The following IFT46 variants were observed in gnomAD, a reference collection of about 807,000 sequenced individuals.
IFT46 encodes intraflagellar transport 46, also known as intraflagellar transport protein 46 homolog.
A neutral mutation model predicts 39.6 loss-of-function variants in IFT46; 19 were observed. That is an observed-to-expected ratio of 0.48 (90% CI 0.33 to 0.70). The LOEUF (loss-of-function observed/expected upper bound fraction) is 0.70, where lower values mean the gene tolerates loss of function less well. IFT46 is among the 30% of genes least tolerant of loss of function. IFT46 has a pLI of 0.01. For synonymous variants in IFT46, 117 were observed against 134.8 expected (o/e 0.87, Z 0.91); for missense variants, 334 against 364.8 (o/e 0.92, Z 0.69).
rs146758400 is a variant in IFT46, at chr11:118,551,811, G to A, written c.647C>T (p.Pro216Leu). ...DIDTLMQEWS[P>L]EFEELLGKVS... Reference sequence around the variant, plus strand: ...CTTGCCCAAAAGCTCTTCAAACTCCGGGGACCATTCCTGCATCAGCGTGTC... The same window carrying A: ...CTTGCCCAAAAGCTCTTCAAACTCCAGGGACCATTCCTGCATCAGCGTGTC... The change falls in exon 9 of 12, where the codon CCG becomes CTG. Residue 216 changes from proline (P) to leucine (L), a missense_variant. Transcript: ENST00000264021. 5.6e-4 allele frequency: 910 copies of A among 1,613,948 alleles called. 1 individual carries two copies. The highest frequency in any genetic ancestry group is 7.2e-4 in the Non-Finnish European group (854 of 1,179,944).
intron 7 of IFT46, among the ~76,000 whole-genome samples, chr11:118,552,834 C>G (rs782303329): frequency 2.3e-4 from 35 of 151,088 alleles, no homozygotes; most frequent in Non-Finnish European, 4.3e-4. Flanking sequence ...ACCTGCAGTC[C>G]TAGCACTTTG....
chr11:118,546,149 A>G, intron 9 of IFT46: 1 of 718,596 alleles, frequency 1.4e-6, no homozygotes, highest in Non-Finnish European at 2.6e-6. Context: ...GACGCATAAC[A>G]GAGGGAAGAC....
upstream of IFT46, chr11:118,573,681 A>G (rs1446546270): frequency 1.4e-6 from 1 of 702,782 alleles, no homozygotes; most frequent in Non-Finnish European, 2.6e-6. Flanking sequence ...ATTTGGTGGC[A>G]ATCCTAATAA....
At chr11:118,554,395 C>T (rs992103505) in intron 7 of IFT46, 64 bp downstream of exon 7, 63 of 1,481,882 alleles carry the variant, frequency 4.3e-5, no homozygotes, top group East Asian at 7.1e-5. Context: ...TGTATGAGTG[C>T]CAGCAAGGCC....
At chr11:118,547,618 C>T (rs542922212) in intron 9 of IFT46, among the ~76,000 whole-genome samples, 275 of 152,100 alleles carry the variant, frequency 1.8e-3, no homozygotes, top group African/African-American at 6.2e-3. Context: ...ACAGGGGTCT[C>T]ACCATGTTGG....
At position 118,544,852 on chromosome 11, in the gene IFT46, T is replaced by C; in HGVS notation, c.*64A>G. 8.7e-7 allele frequency: 1 copy of C among 1,155,276 alleles called. No homozygotes were observed. The highest frequency in any genetic ancestry group is 1.3e-5 in the South Asian group (1 of 78,928). 71.6% of individuals were successfully genotyped at this position (1,155,276 alleles called of 1,614,324 possible). ...AAGGACATCAAGTAGCTGACAACGA[T>C]CTGTCCATCTCAGCTGGGGCAGAGG... On this transcript the variant is annotated 3_prime_UTR_variant, in exon 12 of 12. Coordinates refer to ENST00000264021, the MANE Select transcript of IFT46 (RefSeq NM_001168618.2).
intron 4 of IFT46, 109 bp downstream of exon 4, chr11:118,556,794 CAGG>C (rs2135496572): frequency 7.6e-7 from 1 of 1,308,328 alleles, no homozygotes; most frequent in East Asian, 2.5e-5. Flanking sequence ...ATCCTAAATA[CAGG>C]AGATCAAAAG....
At chr11:118,569,074 A>G (rs1938286097), upstream of IFT46, among the ~76,000 whole-genome samples, 1 of 151,276 alleles carries the variant, frequency 6.6e-6, no homozygotes, top group Non-Finnish European at 1.5e-5. Context: ...TGAGGTTAGG[A>G]GTTCAAGACC....
At chr11:118,549,507 C>G (rs1364434673) in intron 9 of IFT46, among the ~76,000 whole-genome samples, 5 of 150,772 alleles carry the variant, frequency 3.3e-5, no homozygotes, top group Non-Finnish European at 5.9e-5. Flanking sequence ...TTTAAACTGT[C>G]ACATTTTCTC....
intron 9 of IFT46, chr11:118,546,513 G>A: frequency 5.1e-5 from 10 of 196,636 alleles, no homozygotes; most frequent in East Asian, 1.2e-4. Context: ...AGGGAGGGAG[G>A]GAATCAACCA....
intron 2 of IFT46, among the ~76,000 whole-genome samples, chr11:118,564,575 T>C (rs566218043): frequency 2.6e-5 from 4 of 152,236 alleles, no homozygotes; most frequent in East Asian, 3.9e-4. Context: ...GTTTGTTGAA[T>C]AAATAAATAG....
chr11:118,560,071 C>T, intron 2 of IFT46: 1 of 562,406 alleles, frequency 1.8e-6, no homozygotes, highest in Non-Finnish European at 3.1e-6. Flanking sequence ...GTGCTTAAGG[C>T]ATTGGGTTAG....
chr11:118,557,947 T>C, intron 3 of IFT46: 5 of 1,468,708 alleles, frequency 3.4e-6, no homozygotes, highest in Non-Finnish European at 4.6e-6. Flanking sequence ...TTGGTTTCTA[T>C]ATACCGTATG....
At chr11:118,575,411 GGTGTGTGTGT>G (rs56934953), upstream of IFT46, among the ~76,000 whole-genome samples, 1 of 149,084 alleles carries the variant, frequency 6.7e-6, no homozygotes, top group East Asian at 2.0e-4. Flanking sequence ...ACTGATAACG[GGTGTGTGTGT>G]GTGTGTGTGT....
chr11:118,559,669 G>C, intron 3 of IFT46, 116 bp downstream of exon 3: 1 of 804,774 alleles, frequency 1.2e-6, no homozygotes, highest in East Asian at 2.6e-5. Flanking sequence ...GAGCTCAAAG[G>C]TCCCTAACCC....
At chr11:118,572,480 G>C (rs1267579050) in intron 1 of IFT46, 2 of 1,570,968 alleles carry the variant, frequency 1.3e-6, no homozygotes, top group African/African-American at 2.7e-5. Context: ...TGGTGCTCCC[G>C]TTCCCCAGAC....
At chr11:118,571,148 G>T (rs1215610791) in intron 1 of IFT46, among the ~76,000 whole-genome samples, 1 of 152,100 alleles carries the variant, frequency 6.6e-6, no homozygotes, top group Non-Finnish European at 1.5e-5. Flanking sequence ...GCTAGTTTCT[G>T]TCTCTGTGGA....
chr11:118,563,930 G>A (rs1180229831), intron 2 of IFT46, among the ~76,000 whole-genome samples: 2 of 151,914 alleles, frequency 1.3e-5, no homozygotes, highest in African/African-American at 2.4e-5. Context: ...GGCCAGGTAC[G>A]GTGGCTCATA....
chr11:118,554,315 C>G (rs1019396131), intron 7 of IFT46, 144 bp downstream of exon 7: 2 of 670,532 alleles, frequency 3.0e-6, no homozygotes, highest in Admixed American at 7.4e-5. Flanking sequence ...CTCGGCCTCC[C>G]AAAGTGCTGG....
Sources: allele counts gnomAD v4.1 joint callset (sites outside exome capture counted in the v4.1 genomes callset), GRCh38; gene constraint gnomAD v4.1.1; transcripts MANE v1.5; gene names NCBI Gene and HGNC (gene_info 2026-07-23, HGNC 2026-07-21).